RORA: variants seen among roughly 807,000 people sequenced by gnomAD.
RORA encodes RAR related orphan receptor A.
In RORA, 7 loss-of-function variants were observed where a neutral mutation model predicts 69.5. The ratio of observed to expected loss-of-function variants is 0.10; its 90% CI spans 0.06 to 0.19. RORA has a LOEUF of 0.19. RORA is among the 10% of genes least tolerant of loss of function. The pLI is 1.00. For synonymous variants in RORA, 261 were observed against 240.8 expected, an observed-to-expected ratio of 1.08 and a Z score of -0.78; for missense variants, 457 against 663.0, an observed-to-expected ratio of 0.69 and a Z score of 3.41.
At chr15:60,875,244 G>T (rs1333306108) in intron 1 of RORA, among the ~76,000 whole-genome samples, 1 of 151,540 alleles carries the variant, frequency 6.6e-6, no homozygotes, top group East Asian at 1.9e-4. Flanking sequence ...CATATTTTTG[G>T]GAAGAAAAAA....
rs1288989512 is a variant in RORA at position 60,493,878 on chromosome 15, T to C, written c.*3577A>G. Reference sequence around the variant, plus strand: ...CTAGTTTTGATTTAAGTATTTTGAATACATTTTCTTTTCCATTGACACTTA... The same window carrying C: ...CTAGTTTTGATTTAAGTATTTTGAACACATTTTCTTTTCCATTGACACTTA... On this transcript the variant is annotated 3_prime_UTR_variant, in exon 11 of 11. Coordinates refer to ENST00000335670, the MANE Select transcript of RORA (RefSeq NM_134261.3). 1 of 151,922 alleles carries C rather than the reference T, an allele frequency of 6.6e-6. No individual in the cohort carries two copies. Among genetic ancestry groups the C allele is most frequent in the African/African-American group, 2.4e-5 (1 of 41,352 alleles). The allele number at this position is 151,922 out of a possible 1,614,324, so 9.4% of individuals were successfully genotyped here.
chr15:60,984,826 T>C (rs80092434), intron 1 of RORA, among the ~76,000 whole-genome samples: 3 of 150,942 alleles, frequency 2.0e-5, no homozygotes, highest in Non-Finnish European at 3.0e-5. Context: ...TCCTGTTTCA[T>C]TCTTCTGGTA....
chr15:60,828,949 T>A (rs896466019), intron 1 of RORA, among the ~76,000 whole-genome samples: 1 of 152,166 alleles, frequency 6.6e-6, no homozygotes, highest in East Asian at 1.9e-4. Flanking sequence ...CTTAGATCAT[T>A]TAAGGGTTTC....
chr15:60,572,140 T>A (rs777893939), intron 2 of RORA, among the ~76,000 whole-genome samples: 1 of 152,164 alleles, frequency 6.6e-6, no homozygotes, highest in Non-Finnish European at 1.5e-5. Context: ...TGCTTTGAAT[T>A]TGGGAGCCTT....
chr15:61,046,682 AAT>A (rs1367948792), intron 1 of RORA, among the ~76,000 whole-genome samples: 2 of 152,226 alleles, frequency 1.3e-5, no homozygotes, highest in Admixed American at 1.3e-4. Flanking sequence ...GACTGGGTGG[AAT>A]ATTACACAGC....
chr15:60,613,394 C>T (rs1009419837), intron 2 of RORA, among the ~76,000 whole-genome samples: 9 of 151,980 alleles, frequency 5.9e-5, no homozygotes, highest in East Asian at 1.9e-4. Flanking sequence ...AGAGAAAGCC[C>T]GGTGACAAAT....
At chr15:60,916,491 G>C (rs1217836540) in intron 1 of RORA, among the ~76,000 whole-genome samples, 2 of 152,216 alleles carry the variant, frequency 1.3e-5, no homozygotes, top group East Asian at 3.8e-4. Flanking sequence ...AGTCGATGAG[G>C]AAGTCAGTCC....
At chr15:61,037,103 T>C (rs1293324168) in intron 1 of RORA, among the ~76,000 whole-genome samples, 3 of 152,220 alleles carry the variant, frequency 2.0e-5, no homozygotes, top group African/African-American at 7.2e-5. Flanking sequence ...ACTTCCTAGC[T>C]GTGTGACCTT....
chr15:60,613,267 C>T (rs182898), intron 2 of RORA, among the ~76,000 whole-genome samples: 2 of 152,224 alleles, frequency 1.3e-5, no homozygotes, highest in South Asian at 4.1e-4. Flanking sequence ...CTGTAATATA[C>T]AGGGGCGTCA....
chr15:60,668,407 C>T (rs550563857), intron 2 of RORA, among the ~76,000 whole-genome samples: 2 of 152,316 alleles, frequency 1.3e-5, no homozygotes, highest in African/African-American at 2.4e-5. Context: ...AGGAAAAGAG[C>T]TGCTATTTGA....
chr15:61,220,093 A>G (rs952884593), intron 1 of RORA, among the ~76,000 whole-genome samples: 1 of 152,254 alleles, frequency 6.6e-6, no homozygotes, highest in African/African-American at 2.4e-5. Flanking sequence ...CATCCAAAGC[A>G]CGTGATGAGT....
intron 1 of RORA, among the ~76,000 whole-genome samples, chr15:61,003,320 CT>C (rs1225797381): frequency 1.3e-5 from 2 of 152,150 alleles, no homozygotes; most frequent in Non-Finnish European, 2.9e-5. Flanking sequence ...ACTGAAGAGA[CT>C]ATGTAATCTG....
chr15:60,994,761 C>T (rs1231128712), intron 1 of RORA, among the ~76,000 whole-genome samples: 1 of 152,236 alleles, frequency 6.6e-6, no homozygotes, highest in African/African-American at 2.4e-5. Context: ...GACAACTCAA[C>T]ATACGTCTTC....
intron 2 of RORA, among the ~76,000 whole-genome samples, chr15:60,588,979 G>A (rs945573901): frequency 1.3e-5 from 2 of 152,122 alleles, no homozygotes; most frequent in Admixed American, 6.5e-5. Flanking sequence ...ATGGACAAAT[G>A]GATTCAGAAA....
In RORA at chr15:60,500,965, A is replaced by C. The variant is rs1786973291; in HGVS notation, c.1288T>G (p.Ser430Ala). The C allele has an allele frequency of 6.5e-7, 1 of 1,544,556 alleles. No individual in the cohort carries two copies. The highest frequency in any genetic ancestry group is 1.1e-5 in the South Asian group (1 of 88,078). Reference protein sequence around the residue: ...IALFSAFVLMSADRSWLQEKV... With the variant: ...IALFSAFVLMAADRSWLQEKV... ...TTTTATTTGGTTGTCTTACCTGCTG[A>C]CATCAGTACAAATGCAGAAAATAAT... is the stretch of plus-strand genomic sequence containing the variant. The change falls in exon 9 of 11, where the codon TCA becomes GCA. Residue 430 changes from serine to alanine, a missense_variant. Around this residue, in one of 3 missense-constraint regions of RORA, gnomAD observed 304 missense variants for 447.4 expected, o/e 0.68. Coordinates refer to ENST00000335670, the MANE Select transcript of RORA (RefSeq NM_134261.3).
In RORA at chr15:61,100,118, T is replaced by TC. The variant is rs1403251858; in HGVS notation, c.166+128934_166+128935insG. Among the ~76,000 whole-genome samples, 629 of 148,728 alleles carry TC rather than the reference T, an allele frequency of 4.2e-3. 6 individuals are homozygous for TC. The highest frequency in any genetic ancestry group is 0.024 in the Middle Eastern group (7 of 288). ...GGAATGAATGGTCAATTTTCTTTTT[T>TC]TTTTTTTTTTTTTTCTTTTGAGATG... is the stretch of plus-strand genomic sequence containing the variant. On this transcript the variant is annotated intron_variant, in intron 1 of 10. Transcript: ENST00000335670.
chr15:61,147,444 G>A lies in RORA; in HGVS notation c.166+81609C>T, dbSNP rs1444101395. On this transcript the variant is annotated intron_variant, in intron 1 of 10. Coordinates refer to ENST00000335670, the MANE Select transcript of RORA (RefSeq NM_134261.3). This position sits in a 1 kb window ranked among gnomAD's most constrained non-coding sequence, Gnocchi z 4.1. ...GGTGGGTAACCCAACAGGTGCAATA[G>A]GACTCTGAAGAAGGAATATGAGAGC... Among the ~76,000 whole-genome samples the A allele has an allele frequency of 2.6e-5, 4 of 152,162 alleles. No individual in the cohort carries two copies. Among genetic ancestry groups the A allele is most frequent in the Non-Finnish European group, 5.9e-5 (4 of 68,030 alleles).
At chr15:60,832,144 A>G (rs1197281423) in intron 1 of RORA, among the ~76,000 whole-genome samples, 1 of 152,234 alleles carries the variant, frequency 6.6e-6, no homozygotes, top group Non-Finnish European at 1.5e-5. Flanking sequence ...CATATTTTCC[A>G]TCCTTTCTTG....
At chr15:61,074,429 G>A (rs1347495058) in intron 1 of RORA, among the ~76,000 whole-genome samples, 1 of 152,158 alleles carries the variant, frequency 6.6e-6, no homozygotes, top group African/African-American at 2.4e-5. Context: ...CAGTGATACA[G>A]ACACAGACAT....
Sources: allele counts gnomAD v4.1 joint callset (sites outside exome capture counted in the v4.1 genomes callset), GRCh38; gene constraint gnomAD v4.1.1; regional missense constraint gnomAD v4.1.1; non-coding constraint Gnocchi (gnomAD v3.1); transcripts MANE v1.5; gene names NCBI Gene and HGNC (gene_info 2026-07-23, HGNC 2026-07-21).